L3MBTL4: variants seen among roughly 807,000 people sequenced by gnomAD.
L3MBTL4 encodes L3MBTL histone methyl-lysine binding protein 4.
L3MBTL4 carries 70 observed loss-of-function variants against 84.5 expected under a neutral mutation model. The observed-to-expected ratio is 0.83, with a 90% confidence interval of 0.68 to 1.01. L3MBTL4 has a LOEUF of 1.01. Among genes scored for constraint, L3MBTL4 ranks in the 50% least tolerant of loss-of-function variants. L3MBTL4 has a pLI of 0.00. For missense variants in L3MBTL4, 715 were observed against 754.8 expected, an observed-to-expected ratio of 0.95 and a Z score of 0.62; for synonymous variants, 274 against 259.8, an observed-to-expected ratio of 1.05 and a Z score of -0.52.
intron 4 of L3MBTL4, among the ~76,000 whole-genome samples, chr18:6,271,603 C>T (rs1247464219): frequency 3.9e-5 from 6 of 152,144 alleles, no homozygotes; most frequent in African/African-American, 4.8e-5. Flanking sequence ...GATAAGTGTA[C>T]GTAATAATCT....
At chr18:6,219,296 A>C (rs940535863) in intron 10 of L3MBTL4, among the ~76,000 whole-genome samples, 1 of 151,946 alleles carries the variant, frequency 6.6e-6, no homozygotes, top group Non-Finnish European at 1.5e-5. Flanking sequence ...CTCAGGACTG[A>C]GATGCTGAGC....
chr18:6,174,746 T>C (rs540719858), intron 12 of L3MBTL4, among the ~76,000 whole-genome samples: 174 of 151,900 alleles, frequency 1.1e-3, no homozygotes, highest in African/African-American at 3.5e-3. Context: ...TGCATGCCTG[T>C]ATTCCCAGCT....
At chr18:6,027,744 T>C (rs1262879958) in intron 16 of L3MBTL4, among the ~76,000 whole-genome samples, 1 of 152,246 alleles carries the variant, frequency 6.6e-6, no homozygotes, top group African/African-American at 2.4e-5. Context: ...TGGCGTGAGA[T>C]GGTATCTCAC....
At chr18:6,111,687 AT>A (rs1044078949) in intron 14 of L3MBTL4, among the ~76,000 whole-genome samples, 1 of 152,164 alleles carries the variant, frequency 6.6e-6, no homozygotes, top group African/African-American at 2.4e-5. Context: ...GCTGGAACAC[AT>A]TTTATTTATT....
At chr18:6,395,631 T>C (rs1412438164) in intron 1 of L3MBTL4, 3 of 152,210 alleles carry the variant, frequency 2.0e-5, no homozygotes, top group Non-Finnish European at 2.9e-5. Flanking sequence ...ATATGATTAG[T>C]AGCAGCAGAA....
At chr18:6,363,612 C>G (rs547235014) in intron 1 of L3MBTL4, among the ~76,000 whole-genome samples, 1 of 150,578 alleles carries the variant, frequency 6.6e-6, no homozygotes, top group South Asian at 2.2e-4. Context: ...TCAAATACTT[C>G]ATATGAGTTA....
chr18:6,062,651 C>T (rs67302549), intron 16 of L3MBTL4, among the ~76,000 whole-genome samples: 10,616 of 151,918 alleles, frequency 0.07, 499 homozygotes, highest in Admixed American at 0.17. Flanking sequence ...TCACAGTTCA[C>T]GGATATTCTG....
chr18:6,314,553 T>C (rs924177260), intron 1 of L3MBTL4, among the ~76,000 whole-genome samples: 1 of 152,168 alleles, frequency 6.6e-6, no homozygotes, highest in Admixed American at 6.5e-5. Context: ...AAAAACAACA[T>C]AGATAACTAC....
chr18:6,254,919 C>G lies in L3MBTL4; in HGVS notation c.219+9028G>C, dbSNP rs111355264. Among the ~76,000 whole-genome samples, 269 of 152,266 alleles carry G rather than the reference C, an allele frequency of 1.8e-3. 1 individual carries two copies. Among genetic ancestry groups the G allele is most frequent in the African/African-American group, 6.0e-3 (248 of 41,552 alleles). ...ATAAAACACTACTAGGTCTAGGCAA[C>G]CTTAGACCAGCAAAGATCATTTATG... On this transcript the variant is annotated intron_variant, in intron 5 of 18. Transcript: ENST00000317931.
At chr18:6,350,805 C>T (rs1463417754) in intron 1 of L3MBTL4, among the ~76,000 whole-genome samples, 1 of 152,042 alleles carries the variant, frequency 6.6e-6, no homozygotes, top group Non-Finnish European at 1.5e-5. Flanking sequence ...TCACAATAGC[C>T]AAAGAGTAGA....
chr18:6,235,132 C>A (rs2047163172), intron 10 of L3MBTL4, among the ~76,000 whole-genome samples: 1 of 152,054 alleles, frequency 6.6e-6, no homozygotes, highest in Non-Finnish European at 1.5e-5. Context: ...AACACTTGGA[C>A]ACAGGGTGGG....
chr18:5,977,987 A>T (rs184899421), intron 16 of L3MBTL4, among the ~76,000 whole-genome samples: 1 of 152,158 alleles, frequency 6.6e-6, no homozygotes, highest in East Asian at 1.9e-4. Context: ...GCCATTTCCC[A>T]TTCATCCCCA....
chr18:6,086,964 C>T (rs1381469108), intron 15 of L3MBTL4, among the ~76,000 whole-genome samples: 1 of 152,136 alleles, frequency 6.6e-6, no homozygotes, highest in African/African-American at 2.4e-5. Flanking sequence ...AGCATGCCTA[C>T]TGCCAAGTCT....
chr18:6,160,569 T>C (rs1036893447), intron 13 of L3MBTL4, among the ~76,000 whole-genome samples: 2 of 151,934 alleles, frequency 1.3e-5, no homozygotes, highest in Admixed American at 6.6e-5. Context: ...CAGTCTCTAC[T>C]AAAAATACAA....
chr18:6,344,021 C>T (rs2052748031), intron 1 of L3MBTL4, among the ~76,000 whole-genome samples: 1 of 146,908 alleles, frequency 6.8e-6, no homozygotes, highest in Non-Finnish European at 1.5e-5. Flanking sequence ...AAAATAGGCC[C>T]AAACGGCAGA....
chr18:6,045,942 C>T (rs1408263954), intron 16 of L3MBTL4, among the ~76,000 whole-genome samples: 1 of 152,058 alleles, frequency 6.6e-6, no homozygotes, highest in Non-Finnish European at 1.5e-5. Context: ...CACAGAGTTG[C>T]AAATTGGACA....
At chr18:6,184,552 A>G (rs2044632226) in intron 12 of L3MBTL4, among the ~76,000 whole-genome samples, 1 of 152,228 alleles carries the variant, frequency 6.6e-6, no homozygotes, top group African/African-American at 2.4e-5. Context: ...CAACATTGTT[A>G]TTCAAGAAAT....
intron 16 of L3MBTL4, among the ~76,000 whole-genome samples, chr18:6,004,619 T>A (rs1218402951): frequency 6.6e-6 from 1 of 152,168 alleles, no homozygotes; most frequent in African/African-American, 2.4e-5. Flanking sequence ...ACATGTCCAC[T>A]GATAGATGAA....
chr18:6,006,307 C>G (rs1398712597), intron 16 of L3MBTL4, among the ~76,000 whole-genome samples: 1 of 152,056 alleles, frequency 6.6e-6, no homozygotes, highest in Non-Finnish European at 1.5e-5. Context: ...ATGGAGAACA[C>G]TGGAGAAAAA....
Sources: allele counts gnomAD v4.1 joint callset (sites outside exome capture counted in the v4.1 genomes callset), GRCh38; gene constraint gnomAD v4.1.1; transcripts MANE v1.5; gene names NCBI Gene and HGNC (gene_info 2026-07-23, HGNC 2026-07-21).